Variants in CHN2 observed in about 807,000 individuals in gnomAD.
CHN2 encodes the protein chimerin 2.
In CHN2, 35 loss-of-function variants were observed where a neutral mutation model predicts 56.3. That is an observed-to-expected ratio of 0.62 (90% CI 0.47 to 0.82). CHN2 has a LOEUF of 0.82. Among genes scored for constraint, CHN2 ranks in the 40% least tolerant of loss-of-function variants. The pLI is 0.00. For missense variants in CHN2, 491 were observed against 580.5 expected (o/e 0.85, Z 1.58); for synonymous variants, 210 against 212.8 (o/e 0.99, Z 0.12).
intron 2 of CHN2, chr7:29,147,010 C>G (rs1182804157): frequency 1.3e-6 from 2 of 1,549,602 alleles, no homozygotes; most frequent in South Asian, 2.4e-5. Flanking sequence ...TCCTGAATCA[C>G]TGCGCTGGAG....
intron 1 of CHN2, among the ~76,000 whole-genome samples, chr7:29,301,033 G>A (rs1793618535): frequency 6.6e-6 from 1 of 152,008 alleles, no homozygotes; most frequent in Non-Finnish European, 1.5e-5. Flanking sequence ...AAGCTGTAAT[G>A]TTTTATTAAA....
chr7:29,320,578 C>T (rs771929730), intron 1 of CHN2, among the ~76,000 whole-genome samples: 20 of 152,190 alleles, frequency 1.3e-4, no homozygotes, highest in Non-Finnish European at 2.4e-4. Flanking sequence ...TAGGATATGG[C>T]ATCATTCCTC....
At chr7:29,422,195 T>G (rs1804414000) in intron 6 of CHN2, among the ~76,000 whole-genome samples, 1 of 152,204 alleles carries the variant, frequency 6.6e-6, no homozygotes, top group Non-Finnish European at 1.5e-5. Flanking sequence ...TAAGGATGAC[T>G]TTAGCACTTT....
At chr7:29,238,836 A>G (rs555544504) in intron 1 of CHN2, among the ~76,000 whole-genome samples, 36 of 152,302 alleles carry the variant, frequency 2.4e-4, no homozygotes, top group South Asian at 1.4e-3. Context: ...AGGTGGGAAC[A>G]TGCCTGGAGT....
chr7:29,288,197 A>C (rs898140128), intron 1 of CHN2, among the ~76,000 whole-genome samples: 49 of 152,288 alleles, frequency 3.2e-4, no homozygotes, highest in African/African-American at 1.0e-3. Context: ...AAACCTGGGA[A>C]TCTCCATTGG....
At chr7:29,188,948 CTTTTT>C (rs11376135) in intron 2 of CHN2, among the ~76,000 whole-genome samples, 2 of 129,974 alleles carry the variant, frequency 1.5e-5, no homozygotes, top group East Asian at 2.2e-4. Context: ...TTCCTCATAC[CTTTTT>C]TTTTTTTTTT....
Position 29,336,512 on chromosome 7 carries a change from A to G in CHN2, c.50-18113A>G, listed in dbSNP as rs528038789. ...TGTAGTCTTAGCTTCTTGGGAAGCC[A>G]AGGTGGAAGGATTTCTTGAGCCTAG... On this transcript the variant is annotated intron_variant, in intron 1 of 12. Coordinates refer to ENST00000222792, the MANE Select transcript of CHN2 (RefSeq NM_004067.4). Among the ~76,000 whole-genome samples, 25 of 152,088 alleles carry G rather than the reference A, an allele frequency of 1.6e-4. 1 individual carries two copies. Among genetic ancestry groups the G allele is most frequent in the Non-Finnish European group, 3.1e-4 (21 of 68,008 alleles).
At chr7:29,427,093 G>A (rs1804937805) in intron 6 of CHN2, among the ~76,000 whole-genome samples, 1 of 152,158 alleles carries the variant, frequency 6.6e-6, no homozygotes. Context: ...CAAGGTGGGT[G>A]GATCACTTGA....
intron 2 of CHN2, among the ~76,000 whole-genome samples, chr7:29,180,458 C>T (rs759439875): frequency 8.6e-5 from 13 of 151,682 alleles, no homozygotes; most frequent in African/African-American, 1.2e-4. Context: ...ACCTAGGAGG[C>T]GGAGGTTGCA....
At chr7:29,476,214 G>A (rs771334023) in intron 6 of CHN2, among the ~76,000 whole-genome samples, 9 of 152,030 alleles carry the variant, frequency 5.9e-5, no homozygotes, top group Non-Finnish European at 1.3e-4. Flanking sequence ...TACCTACCTC[G>A]TAGGGTTTTA....
At chr7:29,292,928 A>G (rs754017046) in intron 1 of CHN2, 1 of 456,264 alleles carries the variant, frequency 2.2e-6, no homozygotes, top group Admixed American at 2.3e-5. Context: ...TCTTCAGTCT[A>G]TTCTGAACCC....
intron 6 of CHN2, among the ~76,000 whole-genome samples, chr7:29,472,107 C>T (rs558201895): frequency 2.6e-5 from 4 of 152,226 alleles, no homozygotes; most frequent in East Asian, 3.9e-4. Flanking sequence ...GATTATCATT[C>T]GGCAATTGGA....
chr7:29,321,726 A>G (rs1333864902), intron 1 of CHN2, among the ~76,000 whole-genome samples: 3 of 151,974 alleles, frequency 2.0e-5, no homozygotes, highest in Admixed American at 1.3e-4. Context: ...ATGCACCACC[A>G]TGCCAAGCTA....
chr7:29,435,221 C>T (rs567483507), intron 6 of CHN2, among the ~76,000 whole-genome samples: 1 of 152,112 alleles, frequency 6.6e-6, no homozygotes, highest in Non-Finnish European at 1.5e-5. Flanking sequence ...TGAGAGAAAC[C>T]AAAAGTGAAT....
chr7:29,405,588 T>G (rs1455552640), intron 6 of CHN2, among the ~76,000 whole-genome samples: 1 of 152,136 alleles, frequency 6.6e-6, no homozygotes, highest in Non-Finnish European at 1.5e-5. Flanking sequence ...CCTCTTGCTT[T>G]CTTAGGGCAG....
intron 1 of CHN2, among the ~76,000 whole-genome samples, chr7:29,284,132 C>G (rs1452271472): frequency 6.6e-6 from 1 of 151,796 alleles, no homozygotes; most frequent in Non-Finnish European, 1.5e-5. Context: ...GAGTCTGGCT[C>G]TGTCCCAGGC....
rs142605019 is a variant in CHN2, at chr7:29,404,159, G to A, written c.576+3331G>A. 2.0e-4 allele frequency among the ~76,000 whole-genome samples: 31 copies of A among 152,242 alleles called. No individual in the cohort carries two copies. The East Asian group carries it at 5.2e-3, about 26-fold the overall frequency. ...CTTAGTGCTTTGAGCGAACACCCTT[G>A]GTTTTGGGCCATCCTGAGGCAAGTG... On this transcript the variant is annotated intron_variant, in intron 6 of 12. Transcript: ENST00000222792.
At chr7:29,215,262 G>T (rs953713549) in intron 1 of CHN2, among the ~76,000 whole-genome samples, 9 of 152,186 alleles carry the variant, frequency 5.9e-5, no homozygotes, top group Admixed American at 5.2e-4. Context: ...TCTGCACGGG[G>T]AGTCTTACAG....
At position 29,280,240 on chromosome 7, in the gene CHN2, C is replaced by T. The variant is rs184776400; in HGVS notation, c.50-74385C>T. Among the ~76,000 whole-genome samples, 141 of 151,870 alleles carry T rather than the reference C, an allele frequency of 9.3e-4. 1 individual carries two copies. The East Asian group carries it at 0.016, about 17-fold the overall frequency. On this transcript the variant is annotated intron_variant, in intron 1 of 12. Transcript: ENST00000222792. ...CTCTACTAAAAATACAAAAATTAGC[C>T]GGGCGTGGTGGTGGGCGCCTGTAGT...
Sources: allele counts gnomAD v4.1 joint callset (sites outside exome capture counted in the v4.1 genomes callset), GRCh38; gene constraint gnomAD v4.1.1; transcripts MANE v1.5; gene names NCBI Gene and HGNC (gene_info 2026-07-23, HGNC 2026-07-21).